TMEM178B: variants seen among roughly 807,000 people sequenced by gnomAD.
The protein encoded by TMEM178B is transmembrane protein 178B.
TMEM178B carries 5 observed loss-of-function variants against 31.0 expected under a neutral mutation model. The observed-to-expected ratio is 0.16, with a 90% CI of 0.08 to 0.34. The LOEUF is 0.34. Ranked by LOEUF, TMEM178B falls within the 10% of genes least tolerant of loss-of-function variation. TMEM178B has a pLI of 1.00. For missense variants in TMEM178B, 275 were observed against 400.3 expected (o/e 0.69, Z 2.67); for synonymous variants, 164 against 164.0 (o/e 1.00, Z 0.00).
At chr7:141,273,811 C>T (rs1798224163) in intron 2 of TMEM178B, among the ~76,000 whole-genome samples, 1 of 152,224 alleles carries the variant, frequency 6.6e-6, no homozygotes, top group Non-Finnish European at 1.5e-5. Context: ...CACTTTTGGT[C>T]CTGATCTCTG....
intron 1 of TMEM178B, among the ~76,000 whole-genome samples, chr7:141,182,288 T>G (rs564414448): frequency 5.1e-4 from 77 of 152,282 alleles, no homozygotes; most frequent in African/African-American, 1.8e-3. Flanking sequence ...CAGGAAACTC[T>G]TTAGACTCTT....
intron 1 of TMEM178B, among the ~76,000 whole-genome samples, chr7:141,148,200 A>G (rs1795886384): frequency 6.6e-6 from 1 of 152,110 alleles, no homozygotes; most frequent in Non-Finnish European, 1.5e-5. Flanking sequence ...ATTGTCCATC[A>G]TCTTCTCCAA....
chr7:141,354,433 A>G (rs1313238322), intron 2 of TMEM178B, among the ~76,000 whole-genome samples: 2 of 150,384 alleles, frequency 1.3e-5, no homozygotes, highest in Non-Finnish European at 3.0e-5. Flanking sequence ...TGAAACCTCA[A>G]ATTTGGCACA....
chr7:141,424,485 C>T (rs887965781), intron 2 of TMEM178B, among the ~76,000 whole-genome samples: 4 of 152,184 alleles, frequency 2.6e-5, no homozygotes, highest in Non-Finnish European at 5.9e-5. Flanking sequence ...ACTTATGAGA[C>T]GCAATCGGTG....
At chr7:141,090,341 G>C (rs1056404337) in intron 1 of TMEM178B, among the ~76,000 whole-genome samples, 2 of 152,150 alleles carry the variant, frequency 1.3e-5, no homozygotes, top group African/African-American at 4.8e-5. Context: ...ACAGGAGTGA[G>C]CCACTGTACC....
intron 3 of TMEM178B, among the ~76,000 whole-genome samples, chr7:141,457,255 C>T (rs929044879): frequency 6.6e-6 from 1 of 152,172 alleles, no homozygotes; most frequent in Non-Finnish European, 1.5e-5. Flanking sequence ...CAAATGTTTG[C>T]ACTGTCACAT....
At chr7:141,418,045 G>A (rs1181225831) in intron 2 of TMEM178B, among the ~76,000 whole-genome samples, 2 of 152,292 alleles carry the variant, frequency 1.3e-5, no homozygotes, top group African/African-American at 4.8e-5. Flanking sequence ...CCTGTGGTCT[G>A]CTATATTGAC....
chr7:141,195,018 A>G (rs989423818), intron 1 of TMEM178B, among the ~76,000 whole-genome samples: 1 of 152,182 alleles, frequency 6.6e-6, no homozygotes. Flanking sequence ...TAGGCTGCAC[A>G]CAGCACGGGG....
intron 2 of TMEM178B, among the ~76,000 whole-genome samples, chr7:141,432,417 C>T (rs767333209): frequency 2.6e-4 from 39 of 152,104 alleles, no homozygotes; most frequent in African/African-American, 7.0e-4. Flanking sequence ...GGCCTCCCAA[C>T]GTGCTGGGAT....
intron 1 of TMEM178B, among the ~76,000 whole-genome samples, chr7:141,175,824 C>A (rs1234443805): frequency 6.6e-6 from 1 of 152,156 alleles, no homozygotes; most frequent in African/African-American, 2.4e-5. Flanking sequence ...CGAGACTTTG[C>A]TGAAGTTGCT....
chr7:141,167,277 C>T (rs979141035), intron 1 of TMEM178B, among the ~76,000 whole-genome samples: 1 of 152,224 alleles, frequency 6.6e-6, no homozygotes, highest in Non-Finnish European at 1.5e-5. Context: ...ATCGCCTCTT[C>T]GCCCATGCGT....
chr7:141,317,933 A>G (rs150536362), intron 2 of TMEM178B, among the ~76,000 whole-genome samples: 3 of 152,358 alleles, frequency 2.0e-5, no homozygotes, highest in Non-Finnish European at 4.4e-5. Context: ...CAATATCCAC[A>G]AGTGTAAAAT....
intron 2 of TMEM178B, among the ~76,000 whole-genome samples, chr7:141,292,537 C>T (rs1358421682): frequency 3.3e-5 from 5 of 152,042 alleles, no homozygotes; most frequent in African/African-American, 4.8e-5. Context: ...GCCGGGAGCC[C>T]ATGTTCTCGC....
At chr7:141,195,799 C>T (rs961214117) in intron 1 of TMEM178B, among the ~76,000 whole-genome samples, 1 of 152,200 alleles carries the variant, frequency 6.6e-6, no homozygotes, top group East Asian at 1.9e-4. Flanking sequence ...TTCCACATGG[C>T]TGGGGAGGCC....
chr7:141,447,836 A>T (rs868797726), intron 3 of TMEM178B, among the ~76,000 whole-genome samples: 3 of 152,044 alleles, frequency 2.0e-5, no homozygotes, highest in Non-Finnish European at 4.4e-5. Flanking sequence ...AAAACCCAGG[A>T]TGTCTCGTTC....
At chr7:141,275,014 G>A (rs919312302) in intron 2 of TMEM178B, among the ~76,000 whole-genome samples, 1 of 152,210 alleles carries the variant, frequency 6.6e-6, no homozygotes, top group Non-Finnish European at 1.5e-5. Flanking sequence ...CAATGTGGAG[G>A]TTTAGAAAAG....
rs1203771798 is a variant in TMEM178B, at chr7:141,471,496, CA to C, written c.*711del. ...CCTTACACCCAGTGAAACAAGAGGC[CA>C]CCCTGTCCCCAGCCGCACCTGCACT... On this transcript the variant is annotated 3_prime_UTR_variant, in exon 4 of 4. Transcript: ENST00000565468. This position sits in a 1 kb window ranked among gnomAD's most constrained non-coding sequence, Gnocchi z 4.1. The C allele has an allele frequency of 1.3e-5, 2 of 152,378 alleles. No homozygotes were observed. Among genetic ancestry groups the C allele is most frequent in the Non-Finnish European group, 2.9e-5 (2 of 68,208 alleles). The allele number at this position is 152,378 out of a possible 1,614,324, so 9.4% of individuals were successfully genotyped here.
intron 2 of TMEM178B, among the ~76,000 whole-genome samples, chr7:141,284,190 C>T (rs1798408229): frequency 6.6e-6 from 1 of 152,196 alleles, no homozygotes; most frequent in Non-Finnish European, 1.5e-5. Flanking sequence ...TGGTAGTCAA[C>T]ATGCCACGCG....
At chr7:141,361,755 C>T (rs1372763579) in intron 2 of TMEM178B, among the ~76,000 whole-genome samples, 2 of 152,196 alleles carry the variant, frequency 1.3e-5, no homozygotes, top group African/African-American at 4.8e-5. Context: ...TATCATCACT[C>T]TTGCAATGTT....
Sources: gnomAD v4.1 joint callset for allele counts (sites outside exome capture counted in the v4.1 genomes callset) on GRCh38, gnomAD v4.1.1 for gene constraint, Gnocchi (gnomAD v3.1) non-coding constraint, MANE v1.5 for transcripts, NCBI Gene and HGNC (gene_info 2026-07-23, HGNC 2026-07-21) for gene names.